CEP350: variants seen among roughly 807,000 people sequenced by gnomAD.
The protein encoded by CEP350 is centrosome-associated protein 350.
CEP350 carries 126 observed loss-of-function variants against 331.8 expected under a neutral mutation model. That is an observed-to-expected ratio of 0.38 (90% CI 0.33 to 0.44). The LOEUF is 0.44. CEP350 is among the 20% of genes least tolerant of loss of function. The pLI is 1.00. For synonymous variants in CEP350, 1,200 were observed against 1,259.5 expected (o/e 0.95, Z 1.00); for missense variants, 3,406 against 3,634.6 (o/e 0.94, Z 1.62).
intron 1 of CEP350, among the ~76,000 whole-genome samples, chr1:179,978,876 G>A (rs1652069855): frequency 6.6e-6 from 1 of 151,836 alleles, no homozygotes; most frequent in South Asian, 2.1e-4. Context: ...TCTTTTTTCA[G>A]CCTGCTAACT....
chr1:180,083,089 A>G (rs937285187), intron 30 of CEP350, among the ~76,000 whole-genome samples: 1 of 152,206 alleles, frequency 6.6e-6, no homozygotes, highest in African/African-American at 2.4e-5. Context: ...TAGCTCTTAC[A>G]CGGTTTAATC....
intron 22 of CEP350, chr1:180,052,186 T>C (rs528432548): frequency 7.7e-5 from 35 of 454,050 alleles, no homozygotes; most frequent in African/African-American, 4.8e-4. Context: ...CAAGGACAAC[T>C]AGTGCCTACA....
intron 30 of CEP350, among the ~76,000 whole-genome samples, chr1:180,081,156 C>G (rs139916978): frequency 6.6e-6 from 1 of 152,208 alleles, no homozygotes; most frequent in African/African-American, 2.4e-5. Context: ...GCGTGAGCCA[C>G]TGCACCCGGC....
At chr1:180,100,409 C>T (rs1243816131) in intron 37 of CEP350, among the ~76,000 whole-genome samples, 2 of 152,156 alleles carry the variant, frequency 1.3e-5, no homozygotes, top group Non-Finnish European at 2.9e-5. Context: ...GTTGTTACTT[C>T]CTTTACTTCT....
chr1:180,072,447 G>T (rs894598675), intron 27 of CEP350, among the ~76,000 whole-genome samples: 1 of 152,124 alleles, frequency 6.6e-6, no homozygotes, highest in Non-Finnish European at 1.5e-5. Context: ...TGAATGTTAT[G>T]AATAGATTTT....
At position 180,006,585 on chromosome 1, in the gene CEP350, G is replaced by C; in HGVS notation, c.1246+18G>C. On this transcript the variant is annotated intron_variant, in intron 8 of 37. Transcript: ENST00000367607. Reference sequence around the variant, plus strand: ...CAGAACAGGTTAGTTTTCTCAACATGTCCATCCTTTTTTTTTGTTTTTAAT... The same window carrying C: ...CAGAACAGGTTAGTTTTCTCAACATCTCCATCCTTTTTTTTTGTTTTTAAT... 8.5e-7 allele frequency: 1 copy of C among 1,174,172 alleles called. No individual in the cohort carries two copies. Among genetic ancestry groups the C allele is most frequent in the Non-Finnish European group, 1.2e-6 (1 of 814,866 alleles). 72.7% of individuals were successfully genotyped at this position (1,174,172 alleles called of 1,614,324 possible).
Position 180,044,095 on chromosome 1 carries a change from T to A in CEP350, c.4544T>A (p.Leu1515His). 1 of 1,558,866 alleles carries A rather than the reference T, an allele frequency of 6.4e-7. No homozygotes were observed. The highest frequency in any genetic ancestry group is 8.7e-7 in the Non-Finnish European group (1 of 1,150,286). ...VSLSQSKEGT[L>H]DSKHQKYSAS... The stretch of plus-strand genomic sequence containing the variant: ...CTCTCTCAGAGTAAAGAAGGGACCC[T>A]TGACTCAAAGCATCAGAAGTATTCT... Residue 1515 changes from leucine (L) to histidine (H), a missense_variant, in exon 21 of 38, where the codon CTT becomes CAT. Leu to His is a moderately conservative substitution (Grantham distance 99). This residue lies in a region of CEP350 where 1,857 missense variants were observed against 1,909.2 expected (regional missense o/e 0.97). Coordinates refer to ENST00000367607, the MANE Select transcript of CEP350 (RefSeq NM_014810.5).
In CEP350 at chr1:180,111,188, G is replaced by C; in HGVS notation, c.*27G>C. 1.2e-6 allele frequency: 2 copies of C among 1,609,478 alleles called. No individual in the cohort carries two copies. The highest frequency in any genetic ancestry group is 1.7e-6 in the Non-Finnish European group (2 of 1,176,556). On this transcript the variant is annotated 3_prime_UTR_variant, in exon 38 of 38. Coordinates refer to ENST00000367607, the MANE Select transcript of CEP350 (RefSeq NM_014810.5). ...ATCTTGCAAATAAATCGAACGCTGA[G>C]TGCTAATGTGAGTCCTGGGCCTTTC...
At chr1:180,110,376 T>G (rs919811592) in intron 37 of CEP350, among the ~76,000 whole-genome samples, 1 of 152,162 alleles carries the variant, frequency 6.6e-6, no homozygotes, top group African/African-American at 2.4e-5. Context: ...ATAAGTGGTA[T>G]GGGGGCAGCA....
intron 31 of CEP350, among the ~76,000 whole-genome samples, chr1:180,084,655 C>T (rs942728868): frequency 5.3e-5 from 8 of 152,056 alleles, no homozygotes; most frequent in African/African-American, 9.7e-5. Flanking sequence ...TGAGCCACTG[C>T]GCCCAGCCAA....
In CEP350 at chr1:180,111,305, A is replaced by AC; in HGVS notation, c.*145dup. 1.1e-6 allele frequency: 1 copy of AC among 910,884 alleles called. No homozygotes were observed. Among genetic ancestry groups the AC allele is most frequent in the Admixed American group, 2.9e-5 (1 of 34,742 alleles). The allele number at this position is 910,884 out of a possible 1,614,324, so 56.4% of individuals were successfully genotyped here. The stretch of plus-strand genomic sequence containing the variant: ...AGACTACCAGTATGGAGTTCATAGG[A>AC]CAATGTGGTACACCTGGTATTACAG... On this transcript the variant is annotated 3_prime_UTR_variant, in exon 38 of 38. Transcript: ENST00000367607.
chr1:180,088,002 A>C (rs1476877416), intron 32 of CEP350, among the ~76,000 whole-genome samples: 1 of 152,112 alleles, frequency 6.6e-6, no homozygotes, highest in Non-Finnish European at 1.5e-5. Context: ...TAGACCTTTG[A>C]AAAAAACAGT....
chr1:180,088,950 A>G (rs1660015582), intron 32 of CEP350, among the ~76,000 whole-genome samples: 1 of 152,208 alleles, frequency 6.6e-6, no homozygotes, highest in Non-Finnish European at 1.5e-5. Context: ...AAATGTCAAC[A>G]ATTAGATATG....
chr1:180,063,142 A>G (rs1658326971), intron 26 of CEP350, among the ~76,000 whole-genome samples: 1 of 151,432 alleles, frequency 6.6e-6, no homozygotes, highest in Non-Finnish European at 1.5e-5. Context: ...TAATATGATG[A>G]TACATGATTC....
In CEP350 at chr1:180,093,963, G is replaced by A; in HGVS notation, c.7858G>A (p.Val2620Met). The change falls in exon 34 of 38, where the codon GTG (valine) becomes ATG (methionine). Residue 2620 changes from valine (V) to methionine (M), a missense_variant. Transcript: ENST00000367607. The part of the protein sequence containing the change: ...EYFYEKSLPS[V>M]NDIEASVNRS... The stretch of plus-strand genomic sequence containing the variant: ...TTTTTATGAGAAATCCCTACCTAGT[G>A]TGAATGATATAGAAGCCTCAGTTAA... 2 of 1,613,850 alleles carry A rather than the reference G, an allele frequency of 1.2e-6. No individual in the cohort carries two copies. Among genetic ancestry groups the A allele is most frequent in the Non-Finnish European group, 1.7e-6 (2 of 1,179,824 alleles).
At chr1:179,979,395 T>TG (rs1553251244) in intron 1 of CEP350, among the ~76,000 whole-genome samples, 1 of 151,006 alleles carries the variant, frequency 6.6e-6, no homozygotes, top group Non-Finnish European at 1.5e-5. Flanking sequence ...GGGGTGTTTT[T>TG]TTTTTTTTTT....
At chr1:180,029,905 G>A (rs1655903677) in intron 14 of CEP350, among the ~76,000 whole-genome samples, 1 of 152,080 alleles carries the variant, frequency 6.6e-6, no homozygotes, top group Non-Finnish European at 1.5e-5. Context: ...TGTCATGTAA[G>A]TGGAATCATA....
intron 14 of CEP350, among the ~76,000 whole-genome samples, chr1:180,027,010 A>C (rs1375283559): frequency 1.3e-5 from 2 of 152,194 alleles, no homozygotes; most frequent in Non-Finnish European, 2.9e-5. Flanking sequence ...GCCATGTTTA[A>C]TTTTTTGAGG....
chr1:180,069,967 T>C (rs1196928221), intron 27 of CEP350, among the ~76,000 whole-genome samples: 1 of 152,226 alleles, frequency 6.6e-6, no homozygotes, highest in African/African-American at 2.4e-5. Context: ...AAGGATTCAC[T>C]AATAAAGCAG....
Sources: allele counts gnomAD v4.1 joint callset (sites outside exome capture counted in the v4.1 genomes callset), GRCh38; gene constraint gnomAD v4.1.1; regional missense constraint gnomAD v4.1.1; transcripts MANE v1.5; gene names NCBI Gene and HGNC (gene_info 2026-07-23, HGNC 2026-07-21).